Variants in KCNN2 observed in about 807,000 individuals in gnomAD.
KCNN2 encodes potassium calcium-activated channel subfamily N member 2, also known as small conductance calcium-activated potassium channel protein 2.
Under a neutral mutation model 55.5 loss-of-function variants are expected in KCNN2, and 24 were observed. That is an observed-to-expected ratio of 0.43 (90% CI 0.31 to 0.61). The LOEUF is 0.61. Among genes scored for constraint, KCNN2 ranks in the 20% least tolerant of loss-of-function variants. KCNN2 has a pLI of 0.08. For missense variants in KCNN2, 754 were observed against 853.6 expected, an observed-to-expected ratio of 0.88 and a Z score of 1.45; for synonymous variants, 431 against 336.1, an observed-to-expected ratio of 1.28 and a Z score of -3.09.
chr5:114,244,890 T>G (rs1195654513), intron 2 of KCNN2, among the ~76,000 whole-genome samples: 1 of 152,180 alleles, frequency 6.6e-6, no homozygotes, highest in Non-Finnish European at 1.5e-5. Context: ...GTGCTTCTCT[T>G]TTGGAGCTTC....
At chr5:114,395,037 T>C (rs1247226263) in intron 2 of KCNN2, among the ~76,000 whole-genome samples, 1 of 152,220 alleles carries the variant, frequency 6.6e-6, no homozygotes, top group Non-Finnish European at 1.5e-5. Flanking sequence ...AGCAATGCCC[T>C]GGATTATTTT....
At chr5:114,065,498 A>T (rs1453198027) in intron 1 of KCNN2, among the ~76,000 whole-genome samples, 1 of 152,204 alleles carries the variant, frequency 6.6e-6, no homozygotes, top group African/African-American at 2.4e-5. Flanking sequence ...GAAACACTGT[A>T]GGTGTGCCTT....
At chr5:114,341,499 G>A (rs896974483) in intron 2 of KCNN2, among the ~76,000 whole-genome samples, 3 of 152,072 alleles carry the variant, frequency 2.0e-5, no homozygotes, top group Non-Finnish European at 4.4e-5. Flanking sequence ...AACTTGCTTA[G>A]CATATCACAA....
intron 6 of KCNN2, among the ~76,000 whole-genome samples, chr5:114,489,229 A>C (rs1188261278): frequency 6.6e-6 from 1 of 152,108 alleles, no homozygotes; most frequent in African/African-American, 2.4e-5. Context: ...CTGGGGGAGA[A>C]TTTAGGGGTT....
chr5:114,264,775 C>G (rs376929451), intron 2 of KCNN2, among the ~76,000 whole-genome samples: 3 of 152,144 alleles, frequency 2.0e-5, no homozygotes, highest in African/African-American at 7.2e-5. Context: ...GAATGCCCCC[C>G]CAGGGCAGCA....
At chr5:114,224,511 T>C (rs1362285495) in intron 2 of KCNN2, among the ~76,000 whole-genome samples, 1 of 152,222 alleles carries the variant, frequency 6.6e-6, no homozygotes, top group Non-Finnish European at 1.5e-5. Context: ...AACTAATTCA[T>C]GACAGGAATA....
chr5:114,159,359 G>C (rs1222836291), intron 1 of KCNN2, among the ~76,000 whole-genome samples: 1 of 152,172 alleles, frequency 6.6e-6, no homozygotes, highest in Admixed American at 6.5e-5. Flanking sequence ...AAGCCCACTT[G>C]ATCATGGTGG....
intron 1 of KCNN2, among the ~76,000 whole-genome samples, chr5:114,187,817 CT>C (rs1289521116): frequency 5.6e-4 from 74 of 131,292 alleles, no homozygotes; most frequent in East Asian, 4.2e-3. Flanking sequence ...CCTTTTTTTT[CT>C]TTTTTTTTTT....
At chr5:114,082,621 G>A (rs2112542606) in intron 1 of KCNN2, among the ~76,000 whole-genome samples, 1 of 152,268 alleles carries the variant, frequency 6.6e-6, no homozygotes, top group East Asian at 1.9e-4. Flanking sequence ...GTCTTGAAAA[G>A]TATGTTTATA....
Position 114,272,284 on chromosome 5 carries a change from CACATAT to C in KCNN2, c.-185+50721_-185+50726del, listed in dbSNP as rs1454334504. 3.3e-3 allele frequency among the ~76,000 whole-genome samples: 498 copies of C among 150,642 alleles called. 1 individual carries two copies. Among genetic ancestry groups the C allele is most frequent in the African/African-American group, 0.012 (473 of 40,254 alleles). ...CATATATGTATGTACATATCACACACACATATATGTATGTACATATCACACACACAC... is the reference window on the plus strand; with the variant it reads ...CATATATGTATGTACATATCACACACATGTATGTACATATCACACACACAC... On this transcript the variant is annotated intron_variant, in intron 2 of 10. Transcript: ENST00000512097.
At chr5:114,353,360 T>C (rs995292518) in intron 2 of KCNN2, among the ~76,000 whole-genome samples, 18 of 151,924 alleles carry the variant, frequency 1.2e-4, no homozygotes, top group Non-Finnish European at 5.9e-5. Context: ...TGTACTTCGA[T>C]ATGTCTTTCT....
chr5:114,199,024 GGTATTAAA>G (rs1431095109), intron 1 of KCNN2, among the ~76,000 whole-genome samples: 2 of 151,800 alleles, frequency 1.3e-5, no homozygotes, highest in African/African-American at 4.8e-5. Context: ...CTATGAGTGG[GGTATTAAA>G]GTCCCCTATT....
intron 1 of KCNN2, among the ~76,000 whole-genome samples, chr5:114,118,129 G>A (rs1371784210): frequency 6.6e-6 from 1 of 152,160 alleles, no homozygotes; most frequent in African/African-American, 2.4e-5. Flanking sequence ...GTACAAAGAA[G>A]GGTTACCTTT....
chr5:114,405,639 G>A (rs1758906547), intron 3 of KCNN2, among the ~76,000 whole-genome samples: 1 of 152,100 alleles, frequency 6.6e-6, no homozygotes, highest in South Asian at 2.1e-4. Flanking sequence ...AGAGACATAG[G>A]AATGATTTAG....
chr5:114,381,501 A>G (rs539680326), intron 2 of KCNN2, among the ~76,000 whole-genome samples: 59 of 152,340 alleles, frequency 3.9e-4, no homozygotes, highest in Non-Finnish European at 6.2e-4. Context: ...CTAATAAGTG[A>G]CAGATTAGCT....
intron 1 of KCNN2, among the ~76,000 whole-genome samples, chr5:114,188,350 A>C (rs1213480680): frequency 1.3e-5 from 2 of 152,298 alleles, no homozygotes; most frequent in South Asian, 2.1e-4. Context: ...TTCATTTCTC[A>C]TTGCATAGTT....
chr5:114,249,000 C>A (rs1441813380), intron 2 of KCNN2, among the ~76,000 whole-genome samples: 1 of 152,150 alleles, frequency 6.6e-6, no homozygotes, highest in Non-Finnish European at 1.5e-5. Flanking sequence ...AATGAATGAT[C>A]ACCCTAGTAC....
intron 1 of KCNN2, among the ~76,000 whole-genome samples, chr5:114,088,584 A>T (rs2101411): frequency 0.44 from 66,496 of 151,840 alleles, 14,879 homozygotes; most frequent in East Asian, 0.65. Flanking sequence ...TGTTAAGCTC[A>T]TCGAGTGTAT....
intron 3 of KCNN2, among the ~76,000 whole-genome samples, chr5:114,407,418 C>T (rs1758969396): frequency 6.6e-6 from 1 of 151,954 alleles, no homozygotes. Flanking sequence ...TTTTTGATCC[C>T]TGAATGCCTT....
Sources: gnomAD v4.1 joint callset for allele counts (sites outside exome capture counted in the v4.1 genomes callset) on GRCh38, gnomAD v4.1.1 for gene constraint, MANE v1.5 for transcripts, NCBI Gene and HGNC (gene_info 2026-07-23, HGNC 2026-07-21) for gene names.